CDK1: variants seen among roughly 807,000 people sequenced by gnomAD.
CDK1 encodes the protein cyclin-dependent kinase 1.
In CDK1, 5 loss-of-function variants were observed where a neutral mutation model predicts 34.6. The ratio of observed to expected loss-of-function variants is 0.14; its 90% CI spans 0.08 to 0.30. The LOEUF (loss-of-function observed/expected upper bound fraction) is 0.30. CDK1 is among the 10% of genes least tolerant of loss of function. The pLI, the probability that CDK1 is intolerant of heterozygous loss-of-function variation, is 1.00. For missense variants in CDK1, 157 were observed against 345.7 expected, an observed-to-expected ratio of 0.45 and a Z score of 4.33; for synonymous variants, 108 against 114.7, an observed-to-expected ratio of 0.94 and a Z score of 0.37.
intron 4 of CDK1, 176 bp from the exon 5 acceptor site, chr10:60,787,884 A>G: frequency 2.6e-6 from 1 of 390,004 alleles, no homozygotes; most frequent in South Asian, 8.1e-5. Context: ...AGGTATACAA[A>G]TGTGATGTTG....
chr10:60,778,828 G>A (rs1359852549), intron 1 of CDK1, among the ~76,000 whole-genome samples: 1 of 152,240 alleles, frequency 6.6e-6, no homozygotes, highest in African/African-American at 2.4e-5. Flanking sequence ...GTTCGGGGCT[G>A]CAGTCATGAG....
chr10:60,785,941 G>A, intron 4 of CDK1, 154 bp downstream of exon 4: 2 of 1,244,644 alleles, frequency 1.6e-6, no homozygotes, highest in Non-Finnish European at 1.0e-6. Context: ...GTTTATACAG[G>A]TTAGAGATAC....
chr10:60,785,215 C>G (rs2080305536), intron 3 of CDK1, among the ~76,000 whole-genome samples: 1 of 152,066 alleles, frequency 6.6e-6, no homozygotes, highest in African/African-American at 2.4e-5. Context: ...GTAGCTAGGT[C>G]AAATGAAAAA....
intron 4 of CDK1, chr10:60,786,992 C>T (rs2080322251): frequency 1.0e-6 from 1 of 980,192 alleles, no homozygotes; most frequent in Admixed American, 6.2e-5. Flanking sequence ...TCCACACATA[C>T]TTTTTTTGTC....
At chr10:60,784,373 T>A (rs1424186976) in intron 2 of CDK1, among the ~76,000 whole-genome samples, 1 of 152,186 alleles carries the variant, frequency 6.6e-6, no homozygotes, top group Non-Finnish European at 1.5e-5. Flanking sequence ...CTCACGCCTG[T>A]AATCTCAGCA....
intron 4 of CDK1, chr10:60,786,791 G>A (rs1194593475): frequency 2.6e-6 from 2 of 776,976 alleles, no homozygotes; most frequent in East Asian, 1.3e-4. Flanking sequence ...TATATTTCAT[G>A]ACAATTTAAC....
intron 7 of CDK1, among the ~76,000 whole-genome samples, chr10:60,793,561 A>C (rs896247492): frequency 6.6e-6 from 1 of 152,076 alleles, no homozygotes; most frequent in African/African-American, 2.4e-5. Flanking sequence ...TGTAAATATA[A>C]TTAACTAGAC....
chr10:60,793,198 G>A (rs1276079409), intron 7 of CDK1, among the ~76,000 whole-genome samples: 1 of 152,064 alleles, frequency 6.6e-6, no homozygotes, highest in Non-Finnish European at 1.5e-5. Flanking sequence ...TGTGGGAATT[G>A]AGTACCATGA....
chr10:60,793,726 G>T, intron 7 of CDK1, 151 bp from the exon 8 acceptor site: 1 of 544,646 alleles, frequency 1.8e-6, no homozygotes, highest in Non-Finnish European at 3.2e-6. Flanking sequence ...GGAGACATTT[G>T]TGTGTTAAAC....
At chr10:60,789,178 G>A (rs756907066) in intron 5 of CDK1, among the ~76,000 whole-genome samples, 3 of 152,132 alleles carry the variant, frequency 2.0e-5, no homozygotes, top group Non-Finnish European at 4.4e-5. Context: ...TATGCAATGT[G>A]TATTGATTAA....
At chr10:60,781,402 G>A (rs539516837) in intron 2 of CDK1, among the ~76,000 whole-genome samples, 2 of 152,168 alleles carry the variant, frequency 1.3e-5, no homozygotes, top group African/African-American at 4.8e-5. Flanking sequence ...TTTATTTCTA[G>A]CAGTGTGACA....
intron 1 of CDK1, among the ~76,000 whole-genome samples, chr10:60,778,866 C>T (rs2080246905): frequency 6.6e-6 from 1 of 152,230 alleles, no homozygotes; most frequent in African/African-American, 2.4e-5. Flanking sequence ...CAGGAACTGC[C>T]TGAAGAGGCT....
At chr10:60,784,676 C>T in intron 2 of CDK1, 29 bp from the exon 3 acceptor site, 1 of 1,566,848 alleles carries the variant, frequency 6.4e-7, no homozygotes, top group East Asian at 2.2e-5. Context: ...TGGGGTGTGT[C>T]ACACAGCATA....
rs140165722 is a variant in CDK1 at position 60,791,433 on chromosome 10, T to A, written c.490-457T>A. On this transcript the variant is annotated intron_variant, in intron 5 of 7. Transcript: ENST00000395284. Reference sequence around the variant, plus strand: ...CTTTTAAGTTTTTCTATATATAAGATCATCTCTGCACACAGGGACAATTTG... The same window carrying A: ...CTTTTAAGTTTTTCTATATATAAGAACATCTCTGCACACAGGGACAATTTG... Among the ~76,000 whole-genome samples, 66 of 152,260 alleles carry A rather than the reference T, an allele frequency of 4.3e-4. No homozygotes were observed. The East Asian group carries it at 0.013, about 29-fold the overall frequency.
intron 2 of CDK1, among the ~76,000 whole-genome samples, chr10:60,782,144 T>TC (rs1481101897): frequency 1.3e-5 from 2 of 152,230 alleles, no homozygotes; most frequent in Non-Finnish European, 2.9e-5. Context: ...TTATATTTTT[T>TC]CCCCTCAACT....
rs2080364741 is a variant in CDK1, at chr10:60,792,144, T to A, written c.654-4T>A. On this transcript the variant is annotated splice_polypyrimidine_tract_variant and splice_region_variant and intron_variant, in intron 6 of 7. Coordinates refer to ENST00000395284, the MANE Select transcript of CDK1 (RefSeq NM_001786.5). ...TAAGAAATTTTTAATTTCCTGTTTT[T>A]TAGAGCTTTGGGCACTCCCAATAAT... 2 of 1,603,262 alleles carry A rather than the reference T, an allele frequency of 1.2e-6. No homozygotes were observed.
At chr10:60,790,715 T>C (rs1032072428) in intron 5 of CDK1, among the ~76,000 whole-genome samples, 2 of 152,216 alleles carry the variant, frequency 1.3e-5, no homozygotes. Context: ...TGGTTAGATA[T>C]AGGGGTTTAG....
At chr10:60,790,414 A>G (rs1302849280) in intron 5 of CDK1, among the ~76,000 whole-genome samples, 3 of 152,032 alleles carry the variant, frequency 2.0e-5, no homozygotes, top group Non-Finnish European at 4.4e-5. Flanking sequence ...TGCTAGGCTG[A>G]TTTTTAAATT....
chr10:60,784,990 T>C, intron 3 of CDK1, 129 bp downstream of exon 3: 1 of 775,450 alleles, frequency 1.3e-6, no homozygotes, highest in South Asian at 1.8e-5. Flanking sequence ...ACCCTATTTT[T>C]GGTAGTTGAG....
Sources: gnomAD v4.1 joint callset for allele counts (sites outside exome capture counted in the v4.1 genomes callset) on GRCh38, gnomAD v4.1.1 for gene constraint, MANE v1.5 for transcripts, NCBI Gene and HGNC (gene_info 2026-07-23, HGNC 2026-07-21) for gene names.